The following ERAP1 variants were observed in gnomAD, a reference collection of about 807,000 sequenced individuals.
ERAP1 encodes the protein adipocyte-derived leucine aminopeptidase.
ERAP1 carries 86 observed loss-of-function variants against 103.7 expected under a neutral mutation model. The observed-to-expected ratio is 0.83, with a 90% CI of 0.70 to 0.99. The LOEUF is 0.99. Among genes scored for constraint, ERAP1 ranks in the 50% least tolerant of loss-of-function variants. ERAP1 has a pLI of 0.00. For missense variants in ERAP1, 1,009 were observed against 1,128.4 expected (o/e 0.89, Z 1.52); for synonymous variants, 398 against 402.4 (o/e 0.99, Z 0.13).
At chr5:96,898,572 C>CAAAAAAAAAA in the ERAP1 span, among the ~76,000 whole-genome samples, 10 of 94,396 alleles carry the variant, frequency 1.1e-4, no homozygotes, top group South Asian at 3.6e-4. Flanking sequence ...TACTAAAATA[C>CAAAAAAAAAA]AAAAAAAAAA....
In ERAP1 at chr5:96,775,590, A is replaced by C; in HGVS notation, c.*806T>G. 1.2e-6 allele frequency: 1 copy of C among 809,280 alleles called. No individual in the cohort carries two copies. Among genetic ancestry groups the C allele is most frequent in the Non-Finnish European group, 1.5e-6 (1 of 669,628 alleles). The allele number at this position is 809,280 out of a possible 1,614,324, so 50.1% of individuals were successfully genotyped here. On this transcript the variant is annotated 3_prime_UTR_variant, in exon 19 of 19. Transcript: ENST00000443439. The stretch of plus-strand genomic sequence containing the variant: ...TAAAAAGATTTTTTGCAAAAGTGCG[A>C]GCACATTATGTAGAAACCACAAGTC...
the ERAP1 span, among the ~76,000 whole-genome samples, chr5:96,839,212 C>T: frequency 1.3e-5 from 2 of 152,206 alleles, no homozygotes; most frequent in Non-Finnish European, 2.9e-5. Flanking sequence ...GTGTCACTAA[C>T]CAGTAATCTG....
chr5:96,841,749 T>TC, the ERAP1 span, among the ~76,000 whole-genome samples: 18 of 78,050 alleles, frequency 2.3e-4, no homozygotes, highest in South Asian at 4.0e-3. Flanking sequence ...TTCTTCTTCT[T>TC]TTTTTTTTTT....
At chr5:96,804,048 A>T in intron 1 of ERAP1, 105 bp from the exon 2 acceptor site, 1 of 1,285,332 alleles carries the variant, frequency 7.8e-7, no homozygotes, top group South Asian at 1.3e-5. Context: ...AATAGGCATA[A>T]ACTTCCAAAA....
At chr5:96,889,184 G>T in the ERAP1 span, 1 of 1,613,942 alleles carries the variant, frequency 6.2e-7, no homozygotes, top group Non-Finnish European at 8.5e-7. Context: ...ACATTTCCCA[G>T]GTGTCCATCT....
chr5:96,917,635 G>A, the ERAP1 span: 9 of 1,584,880 alleles, frequency 5.7e-6, no homozygotes, highest in Admixed American at 3.4e-5. Context: ...GGCTGGGCGC[G>A]GTGGCTCACG....
the ERAP1 span, chr5:96,889,442 C>G: frequency 1.0e-6 from 1 of 957,642 alleles, no homozygotes; most frequent in Non-Finnish European, 1.7e-6. Context: ...ATTTGTTCCT[C>G]AGAGATGATT....
downstream of ERAP1, chr5:96,774,152 GT>G (rs1249413184): frequency 6.5e-6 from 1 of 153,630 alleles, no homozygotes; most frequent in African/African-American, 2.4e-5. Context: ...CAGTATAGGT[GT>G]TTGCTTTTTT....
the ERAP1 span, among the ~76,000 whole-genome samples, chr5:96,914,148 T>TCTCTCACACACA: frequency 1.4e-5 from 2 of 148,082 alleles, no homozygotes; most frequent in East Asian, 2.0e-4. Flanking sequence ...TCTCTCTCTC[T>TCTCTCACACACA]CACACACACA....
chr5:96,865,140 T>C, the ERAP1 span, among the ~76,000 whole-genome samples: 1 of 152,306 alleles, frequency 6.6e-6, no homozygotes, highest in African/African-American at 2.4e-5. Flanking sequence ...TTATTTTCCT[T>C]TGAACTTATG....
intron 10 of ERAP1, among the ~76,000 whole-genome samples, chr5:96,789,124 C>T (rs1032871315): frequency 1.3e-5 from 2 of 152,188 alleles, no homozygotes; most frequent in African/African-American, 4.8e-5. Context: ...ATGACCCACA[C>T]TCAACAAATA....
chr5:96,895,168 G>C, the ERAP1 span: 1 of 788,898 alleles, frequency 1.3e-6, no homozygotes, highest in Non-Finnish European at 2.0e-6. Context: ...AAAAAAGTTA[G>C]TAACTATTGT....
chr5:96,794,171 C>CCT (rs1343552710), intron 5 of ERAP1, among the ~76,000 whole-genome samples: 898 of 68,740 alleles, frequency 0.013, 36 homozygotes, highest in Admixed American at 0.084. Context: ...CATCTCAGGC[C>CCT]TTTTTTTTTT....
chr5:96,901,062 C>T, the ERAP1 span, among the ~76,000 whole-genome samples: 1 of 152,202 alleles, frequency 6.6e-6, no homozygotes, highest in East Asian at 1.9e-4. Flanking sequence ...CCATTCACTA[C>T]ACCTCTATTG....
the ERAP1 span, chr5:96,886,529 C>G: frequency 7.4e-6 from 5 of 671,854 alleles, no homozygotes; most frequent in Non-Finnish European, 1.1e-5. Context: ...CCATTGCCCC[C>G]CTAGGAGGTC....
At chr5:96,896,836 T>C in the ERAP1 span, 1 of 1,183,370 alleles carries the variant, frequency 8.5e-7, no homozygotes, top group Non-Finnish European at 1.1e-6. Context: ...ATGCTAAGAA[T>C]GATGACTTGT....
intron 5 of ERAP1, among the ~76,000 whole-genome samples, chr5:96,794,388 C>T (rs1777114104): frequency 6.6e-6 from 1 of 151,864 alleles, no homozygotes; most frequent in African/African-American, 2.4e-5. Context: ...CAGGGTTTTG[C>T]CATGTTGCCC....
chr5:96,921,388 T>G, the ERAP1 span, among the ~76,000 whole-genome samples: 1 of 152,236 alleles, frequency 6.6e-6, no homozygotes, highest in Admixed American at 6.5e-5. Flanking sequence ...CCATAATCAT[T>G]TATTTTCTTA....
the ERAP1 span, among the ~76,000 whole-genome samples, chr5:96,815,707 GGT>G: frequency 6.6e-6 from 1 of 151,956 alleles, no homozygotes; most frequent in South Asian, 2.1e-4. Flanking sequence ...CAGCCATTAA[GGT>G]GTTTTTAATT....
Sources: allele counts gnomAD v4.1 joint callset (sites outside exome capture counted in the v4.1 genomes callset), GRCh38; gene constraint gnomAD v4.1.1; transcripts MANE v1.5; gene names NCBI Gene and HGNC (gene_info 2026-07-23, HGNC 2026-07-21).